Variants in DIS3L2 observed in about 807,000 individuals in gnomAD.
DIS3L2 encodes the protein DIS3-like exonuclease 2.
A neutral mutation model predicts 97.5 loss-of-function variants in DIS3L2; 34 were observed. The observed-to-expected ratio is 0.35, with a 90% CI of 0.27 to 0.46. The LOEUF is 0.46. Ranked by LOEUF, DIS3L2 falls within the 20% of genes least tolerant of loss-of-function variation. The pLI is 1.00. For missense variants in DIS3L2, 1,038 were observed against 1,146.0 expected (o/e 0.91, Z 1.36); for synonymous variants, 435 against 445.2 (o/e 0.98, Z 0.29).
intron 1 of DIS3L2, among the ~76,000 whole-genome samples, chr2:231,977,318 C>A (rs891283841): frequency 6.6e-6 from 1 of 152,048 alleles, no homozygotes; most frequent in African/African-American, 2.4e-5. Context: ...GCTGTAGCAC[C>A]CTTAGTTCTA....
intron 3 of DIS3L2, among the ~76,000 whole-genome samples, chr2:232,017,089 T>C (rs1332640350): frequency 2.0e-5 from 3 of 152,024 alleles, no homozygotes; most frequent in African/African-American, 4.8e-5. Flanking sequence ...TTTTAATTTA[T>C]TATTTATTTA....
Position 232,105,512 on chromosome 2 carries a change from C to T in DIS3L2, c.601+17791C>T, listed in dbSNP as rs73995099. ...TTTTCCTTTTCACTTCTTTCTCTTCCCATTTTTTAAAATCCTGGAGTCATT... is the reference window on the plus strand; with the variant it reads ...TTTTCCTTTTCACTTCTTTCTCTTCTCATTTTTTAAAATCCTGGAGTCATT... On this transcript the variant is annotated intron_variant, in intron 6 of 20. Coordinates refer to ENST00000325385, the MANE Select transcript of DIS3L2 (RefSeq NM_152383.5). 2.2e-3 allele frequency among the ~76,000 whole-genome samples: 332 copies of T among 152,242 alleles called. 2 individuals are homozygous for T. The highest frequency in any genetic ancestry group is 7.4e-3 in the African/African-American group (308 of 41,534).
At chr2:232,080,585 T>C (rs1000461310) in intron 5 of DIS3L2, among the ~76,000 whole-genome samples, 5 of 152,052 alleles carry the variant, frequency 3.3e-5, no homozygotes, top group Non-Finnish European at 1.5e-5. Context: ...CTCTCCTCCT[T>C]TTTTTCCCTT....
chr2:232,209,118 T>C (rs1692113878), intron 9 of DIS3L2, among the ~76,000 whole-genome samples: 1 of 152,212 alleles, frequency 6.6e-6, no homozygotes, highest in South Asian at 2.1e-4. Context: ...GCGCATCTTA[T>C]AATTAATACT....
intron 9 of DIS3L2, among the ~76,000 whole-genome samples, chr2:232,209,833 C>A (rs1160534788): frequency 6.6e-6 from 1 of 152,198 alleles, no homozygotes; most frequent in Non-Finnish European, 1.5e-5. Context: ...TATAATTATT[C>A]TGTGGAAACA....
intron 6 of DIS3L2, among the ~76,000 whole-genome samples, chr2:232,121,638 A>T (rs1310683956): frequency 6.6e-6 from 1 of 152,132 alleles, no homozygotes; most frequent in African/African-American, 2.4e-5. Flanking sequence ...CACACGCCTT[A>T]GTGTGCACTG....
intron 7 of DIS3L2, among the ~76,000 whole-genome samples, chr2:232,135,473 G>C (rs531243020): frequency 1.8e-4 from 27 of 152,302 alleles, no homozygotes; most frequent in African/African-American, 5.5e-4. Flanking sequence ...AGTGGCGAAG[G>C]GGGGTGTCCC....
At chr2:232,032,930 C>T (rs930133838) in intron 5 of DIS3L2, among the ~76,000 whole-genome samples, 1 of 152,122 alleles carries the variant, frequency 6.6e-6, no homozygotes, top group Non-Finnish European at 1.5e-5. Flanking sequence ...AGCGTGATGC[C>T]TCCAGCTTTA....
intron 12 of DIS3L2, among the ~76,000 whole-genome samples, chr2:232,258,564 CAG>C (rs1487935916): frequency 1.0e-4 from 12 of 119,622 alleles, no homozygotes; most frequent in South Asian, 2.7e-4. Flanking sequence ...AACCTGGTGA[CAG>C]AGTGACAGAG....
intron 10 of DIS3L2, among the ~76,000 whole-genome samples, chr2:232,214,894 G>C (rs1282965142): frequency 1.3e-5 from 2 of 152,170 alleles, no homozygotes; most frequent in Non-Finnish European, 2.9e-5. Flanking sequence ...TTTCTCTAAA[G>C]TTGTATTCTC....
intron 14 of DIS3L2, among the ~76,000 whole-genome samples, chr2:232,316,774 G>A (rs1022280919): frequency 6.6e-6 from 1 of 152,192 alleles, no homozygotes; most frequent in East Asian, 1.9e-4. Flanking sequence ...TTATTGAATT[G>A]TTCTTCTTTA....
rs112239374 is a variant in DIS3L2, at chr2:232,210,195, C to T, written c.1125-131C>T. ...CACATTTAACTAAAGATCTCATTCTCGTAGAAGTTATTTTTCACTTTCCCT... is the reference window on the plus strand; with the variant it reads ...CACATTTAACTAAAGATCTCATTCTTGTAGAAGTTATTTTTCACTTTCCCT... On this transcript the variant is annotated intron_variant, in intron 9 of 20. Transcript: ENST00000325385. 4,981 of 644,836 alleles carry T rather than the reference C, an allele frequency of 7.7e-3. 47 individuals carry two copies. The highest frequency in any genetic ancestry group is 7.6e-3 in the Non-Finnish European group (2,699 of 355,498). The allele number at this position is 644,836 out of a possible 1,614,324, so 39.9% of individuals were successfully genotyped here. A position where few individuals can be genotyped will look rare whatever the true frequency, so the allele number is the denominator to read the frequency against.
intron 3 of DIS3L2, among the ~76,000 whole-genome samples, chr2:232,022,318 CTTGTGTGCTTTTGTA>C (rs1409532748): frequency 6.6e-6 from 1 of 152,122 alleles, no homozygotes; most frequent in Non-Finnish European, 1.5e-5. Context: ...TCTATTCTTC[CTTGTGTGCTTTTGTA>C]TATATTGGGA....
intron 1 of DIS3L2, among the ~76,000 whole-genome samples, chr2:231,994,512 T>A (rs1693675846): frequency 6.6e-6 from 1 of 152,150 alleles, no homozygotes; most frequent in African/African-American, 2.4e-5. Flanking sequence ...TGTCAACAGC[T>A]TACCACTTTA....
At chr2:232,221,860 G>GT (rs1158280468) in intron 10 of DIS3L2, among the ~76,000 whole-genome samples, 1 of 152,086 alleles carries the variant, frequency 6.6e-6, no homozygotes, top group Non-Finnish European at 1.5e-5. Flanking sequence ...ACATTTCTGG[G>GT]TTTTGTCTCT....
chr2:232,213,260 G>A (rs1014260520), intron 10 of DIS3L2, among the ~76,000 whole-genome samples: 3 of 152,100 alleles, frequency 2.0e-5, no homozygotes, highest in Admixed American at 1.3e-4. Context: ...AATATTATGA[G>A]GTGCCAGAAA....
intron 6 of DIS3L2, among the ~76,000 whole-genome samples, chr2:232,088,460 G>T (rs1053433769): frequency 6.6e-6 from 1 of 151,360 alleles, no homozygotes; most frequent in African/African-American, 2.4e-5. Context: ...TACTCGGGAG[G>T]CTGAGGCAGG....
intron 5 of DIS3L2, among the ~76,000 whole-genome samples, chr2:232,050,097 A>C (rs985354237): frequency 6.6e-6 from 1 of 151,882 alleles, no homozygotes; most frequent in African/African-American, 2.4e-5. Flanking sequence ...ACCTGTTTTC[A>C]TTGGTTGTTT....
chr2:232,076,077 TC>T (rs1198435964), intron 5 of DIS3L2, among the ~76,000 whole-genome samples: 3 of 152,218 alleles, frequency 2.0e-5, no homozygotes, highest in African/African-American at 4.8e-5. Context: ...CTTTCACACT[TC>T]ACTGACTTGA....
Sources: allele counts gnomAD v4.1 joint callset (sites outside exome capture counted in the v4.1 genomes callset), GRCh38; gene constraint gnomAD v4.1.1; transcripts MANE v1.5; gene names NCBI Gene and HGNC (gene_info 2026-07-23, HGNC 2026-07-21).